The following ENY2 variants were observed in gnomAD, a reference collection of about 807,000 sequenced individuals.
ENY2 encodes ENY2 transcription and export complex 2 subunit.
ENY2 carries 4 observed loss-of-function variants against 15.9 expected under a neutral mutation model. The observed-to-expected ratio is 0.25, with a 90% CI of 0.12 to 0.57. ENY2 has a LOEUF of 0.57. Among genes scored for constraint, ENY2 ranks in the 20% least tolerant of loss-of-function variants. The probability of loss-of-function intolerance (pLI) is 0.91; values close to 1 mark genes in which losing one functional copy is unlikely to be tolerated. For missense variants in ENY2, 54 were observed against 117.2 expected (o/e 0.46, Z 2.49); for synonymous variants, 48 against 38.0 (o/e 1.26, Z -0.97).
intron 1 of ENY2, chr8:109,335,138 A>G (rs1815933805): frequency 6.6e-6 from 1 of 152,172 alleles, no homozygotes; most frequent in Non-Finnish European, 1.5e-5. Flanking sequence ...TCTTCTTTCA[A>G]CATCATTTTG....
chr8:109,338,675 G>C (rs145091991), intron 2 of ENY2: 2 of 152,304 alleles, frequency 1.3e-5, no homozygotes, highest in African/African-American at 4.8e-5. Flanking sequence ...TATTGCACCT[G>C]TGATGCCATT....
In ENY2 at chr8:109,345,925, T is replaced by C. The variant is rs567448355; in HGVS notation, c.*2444T>C. 1.3e-5 allele frequency: 2 copies of C among 152,298 alleles called. No individual in the cohort carries two copies. Among genetic ancestry groups the C allele is most frequent in the South Asian group, 2.1e-4 (1 of 4,832 alleles). 9.4% of individuals were successfully genotyped at this position (152,298 alleles called of 1,614,324 possible). A position where few individuals can be genotyped will look rare whatever the true frequency, so the allele number is the denominator to read the frequency against. On this transcript the variant is annotated 3_prime_UTR_variant, in exon 5 of 5. Transcript: ENST00000521688. ...TCTAGTTTGTATCTAGAATCACTTA[T>C]ATCTTTCAAATAAACCAACTTTGTG...
chr8:109,336,441 A>G lies in ENY2; in HGVS notation c.83+237A>G, dbSNP rs1815987476. On this transcript the variant is annotated intron_variant, in intron 2 of 4. Coordinates refer to ENST00000521688, the MANE Select transcript of ENY2 (RefSeq NM_020189.6). ...TGGCTCTTAAAGAGTAATTTGATGG[A>G]GAAGAAAAAGTACATACCTGAATTA... is the stretch of plus-strand genomic sequence containing the variant. 1.4e-5 allele frequency: 6 copies of G among 421,786 alleles called. No homozygotes were observed. The East Asian group carries it at 2.0e-4, about 14-fold the overall frequency. 26.1% of individuals were successfully genotyped at this position (421,786 alleles called of 1,614,324 possible). A position where few individuals can be genotyped will look rare whatever the true frequency, so the allele number is the denominator to read the frequency against.
At chr8:109,335,139 C>T (rs1409096058) in intron 1 of ENY2, 1 of 152,128 alleles carries the variant, frequency 6.6e-6, no homozygotes. Flanking sequence ...CTTCTTTCAA[C>T]ATCATTTTGG....
chr8:109,336,295 G>A (rs1157147091), intron 2 of ENY2, 91 bp downstream of exon 2: 2 of 1,076,428 alleles, frequency 1.9e-6, no homozygotes, highest in Non-Finnish European at 2.7e-6. Flanking sequence ...CATGTCACTG[G>A]AAAGAATTAC....
In ENY2 at chr8:109,344,162, A is replaced by T. The variant is rs1816182266; in HGVS notation, c.*681A>T. The T allele has an allele frequency of 1.3e-5, 2 of 152,336 alleles. No homozygotes were observed. The highest frequency in any genetic ancestry group is 6.5e-5 in the Admixed American group (1 of 15,294). The allele number at this position is 152,336 out of a possible 1,614,324, so 9.4% of individuals were successfully genotyped here. A position where few individuals can be genotyped will look rare whatever the true frequency, so the allele number is the denominator to read the frequency against. On this transcript the variant is annotated 3_prime_UTR_variant, in exon 5 of 5. Coordinates refer to ENST00000521688, the MANE Select transcript of ENY2 (RefSeq NM_020189.6). ...TTTACCCTGACATCAGGATTGCCAAATCCAATGGACTCTTGTCTATTCTTA... is the reference window on the plus strand; with the variant it reads ...TTTACCCTGACATCAGGATTGCCAATTCCAATGGACTCTTGTCTATTCTTA...
intron 4 of ENY2, chr8:109,342,630 C>T: frequency 3.0e-6 from 2 of 673,628 alleles, no homozygotes; most frequent in Non-Finnish European, 2.7e-6. Context: ...CCCTCAGCTT[C>T]CCGAGTAGCT....
rs1010835314 is a variant in ENY2, at chr8:109,343,823, A to C, written c.*342A>C. Reference sequence around the variant, plus strand: ...GAAGTAAGCAACCTTTTCTGACTGCATATGGTGTATTCCTCTTTTGAGTCC... The same window carrying C: ...GAAGTAAGCAACCTTTTCTGACTGCCTATGGTGTATTCCTCTTTTGAGTCC... On this transcript the variant is annotated 3_prime_UTR_variant, in exon 5 of 5. Transcript: ENST00000521688. The C allele has an allele frequency of 5.5e-6, 1 of 183,244 alleles. No individual in the cohort carries two copies. Among genetic ancestry groups the C allele is most frequent in the African/African-American group, 2.4e-5 (1 of 42,326 alleles). The allele number at this position is 183,244 out of a possible 1,614,324, so 11.4% of individuals were successfully genotyped here.
rs896214900 is a variant in ENY2, at chr8:109,345,404, G to A, written c.*1923G>A. ...AAGGATTCAAATTGATCTTTGGTTCGAGAGACAATTTCATCTTTCTGATGA... is the reference window on the plus strand; with the variant it reads ...AAGGATTCAAATTGATCTTTGGTTCAAGAGACAATTTCATCTTTCTGATGA... On this transcript the variant is annotated 3_prime_UTR_variant, in exon 5 of 5. Transcript: ENST00000521688. 3.3e-5 allele frequency: 5 copies of A among 152,124 alleles called. No individual in the cohort carries two copies. The highest frequency in any genetic ancestry group is 1.2e-4 in the African/African-American group (5 of 41,426). The allele number at this position is 152,124 out of a possible 1,614,324, so 9.4% of individuals were successfully genotyped here.
intron 4 of ENY2, among the ~76,000 whole-genome samples, chr8:109,342,164 C>CCTTTTTTTT (rs1491293397): frequency 7.6e-6 from 1 of 130,964 alleles, no homozygotes; most frequent in Non-Finnish European, 1.7e-5. Flanking sequence ...TAACCCCCCC[C>CCTTTTTTTT]TTTTTTTTTT....
intron 4 of ENY2, 81 bp downstream of exon 4, chr8:109,340,644 T>C: frequency 1.3e-6 from 2 of 1,568,822 alleles, no homozygotes; most frequent in Admixed American, 1.8e-5. Context: ...AGATTTTCTT[T>C]CTGTTTTTAA....
intron 2 of ENY2, chr8:109,336,412 G>A (rs900016140): frequency 7.8e-6 from 4 of 515,272 alleles, no homozygotes; most frequent in East Asian, 6.5e-5. Flanking sequence ...AGATGAGCAA[G>A]ATATGGCTCT....
rs1469113860 is a variant in ENY2 at position 109,345,153 on chromosome 8, T to C, written c.*1672T>C. ...TAAAACATTCAGACATCCCTCTGAC[T>C]TAGATCCCCCACTACTGTTTTTCTG... On this transcript the variant is annotated 3_prime_UTR_variant, in exon 5 of 5. Transcript: ENST00000521688. 1 of 152,194 alleles carries C rather than the reference T, an allele frequency of 6.6e-6. No individual in the cohort carries two copies. Among genetic ancestry groups the C allele is most frequent in the Non-Finnish European group, 1.5e-5 (1 of 68,046 alleles). The allele number at this position is 152,194 out of a possible 1,614,324, so 9.4% of individuals were successfully genotyped here. A position where few individuals can be genotyped will look rare whatever the true frequency, so the allele number is the denominator to read the frequency against.
In ENY2 at chr8:109,344,168, T is replaced by G. The variant is rs1816182685; in HGVS notation, c.*687T>G. The G allele has an allele frequency of 6.6e-6, 1 of 152,234 alleles. No homozygotes were observed. The highest frequency in any genetic ancestry group is 1.5e-5 in the Non-Finnish European group (1 of 68,040). The allele number at this position is 152,234 out of a possible 1,614,324, so 9.4% of individuals were successfully genotyped here. ...CTGACATCAGGATTGCCAAATCCAA[T>G]GGACTCTTGTCTATTCTTACGTGAC... On this transcript the variant is annotated 3_prime_UTR_variant, in exon 5 of 5. Coordinates refer to ENST00000521688, the MANE Select transcript of ENY2 (RefSeq NM_020189.6).
intron 1 of ENY2, chr8:109,335,760 C>A (rs1363665755): frequency 1.8e-5 from 3 of 163,470 alleles, no homozygotes; most frequent in Non-Finnish European, 4.0e-5. Flanking sequence ...CAGAAGTGAT[C>A]GGCAGTTATG....
intron 4 of ENY2, among the ~76,000 whole-genome samples, chr8:109,342,450 A>G (rs908876539): frequency 4.0e-5 from 6 of 149,956 alleles, no homozygotes; most frequent in African/African-American, 1.5e-4. Context: ...TATATTATGT[A>G]TGTTTATATA....
In ENY2 at chr8:109,345,848, C is replaced by G. The variant is rs1019855099; in HGVS notation, c.*2367C>G. ...CTTTAAAATGATAGTGCTGAGAACT[C>G]CCCACCTCTACCCCACCACCTGTAG... On this transcript the variant is annotated 3_prime_UTR_variant, in exon 5 of 5. Coordinates refer to ENST00000521688, the MANE Select transcript of ENY2 (RefSeq NM_020189.6). 2 of 152,094 alleles carry G rather than the reference C, an allele frequency of 1.3e-5. No individual in the cohort carries two copies. The highest frequency in any genetic ancestry group is 4.8e-5 in the African/African-American group (2 of 41,402). 9.4% of individuals were successfully genotyped at this position (152,094 alleles called of 1,614,324 possible).
intron 2 of ENY2, chr8:109,339,030 G>A (rs982506775): frequency 2.5e-6 from 1 of 392,810 alleles, no homozygotes; most frequent in Admixed American, 4.0e-5. Context: ...GAGGACGGTG[G>A]AGAGTATATA....
At chr8:109,334,683 C>G (rs1472534375) in intron 1 of ENY2, 5 of 583,518 alleles carry the variant, frequency 8.6e-6, no homozygotes, top group Non-Finnish European at 1.5e-5. Context: ...CCGCCCTGTT[C>G]TATTTTCCCT....
Sources: gnomAD v4.1 joint callset for allele counts (sites outside exome capture counted in the v4.1 genomes callset) on GRCh38, gnomAD v4.1.1 for gene constraint, MANE v1.5 for transcripts, NCBI Gene and HGNC (gene_info 2026-07-23, HGNC 2026-07-21) for gene names.